STXBP5L: variants seen among roughly 807,000 people sequenced by gnomAD.
STXBP5L encodes syntaxin binding protein 5L.
Under a neutral mutation model 144.5 loss-of-function variants are expected in STXBP5L, and 65 were observed. The observed-to-expected ratio is 0.45, with a 90% CI of 0.37 to 0.55. The LOEUF (loss-of-function observed/expected upper bound fraction) is 0.55. Ranked by LOEUF, STXBP5L falls within the 20% of genes least tolerant of loss-of-function variation. The pLI is 0.00. For synonymous variants in STXBP5L, 505 were observed against 469.6 expected (o/e 1.08, Z -0.97); for missense variants, 1,298 against 1,405.5 (o/e 0.92, Z 1.22).
intron 5 of STXBP5L, among the ~76,000 whole-genome samples, chr3:121,090,312 A>G (rs1438600313): frequency 6.6e-6 from 1 of 152,100 alleles, no homozygotes; most frequent in Non-Finnish European, 1.5e-5. Flanking sequence ...AGATAGGGAG[A>G]GACACCTTGT....
chr3:121,023,319 C>G (rs761729342), intron 3 of STXBP5L, among the ~76,000 whole-genome samples: 9 of 152,112 alleles, frequency 5.9e-5, no homozygotes, highest in Non-Finnish European at 8.8e-5. Flanking sequence ...ACTATACTTC[C>G]AAAAGCAATC....
chr3:121,291,602 C>T (rs2051441686), intron 19 of STXBP5L, among the ~76,000 whole-genome samples: 1 of 152,008 alleles, frequency 6.6e-6, no homozygotes, highest in Non-Finnish European at 1.5e-5. Flanking sequence ...ATTGTCAAAG[C>T]AAGACTAAGC....
intron 3 of STXBP5L, among the ~76,000 whole-genome samples, chr3:120,977,664 A>T (rs187548067): frequency 6.6e-6 from 1 of 151,980 alleles, no homozygotes; most frequent in Non-Finnish European, 1.5e-5. Context: ...ATTTGGCATG[A>T]TTTTGCAGTG....
intron 3 of STXBP5L, among the ~76,000 whole-genome samples, chr3:120,998,739 G>C (rs1271965277): frequency 6.6e-6 from 1 of 152,174 alleles, no homozygotes. Flanking sequence ...CAAGCTGAGA[G>C]TTAAATCAAG....
chr3:121,147,198 A>G (rs1345445757), intron 7 of STXBP5L, among the ~76,000 whole-genome samples: 2 of 152,224 alleles, frequency 1.3e-5, no homozygotes, highest in Non-Finnish European at 1.5e-5. Flanking sequence ...CCAAAGTTGT[A>G]TATTTGCTGA....
chr3:121,157,112 T>C (rs917079126), intron 8 of STXBP5L, among the ~76,000 whole-genome samples: 3 of 152,126 alleles, frequency 2.0e-5, no homozygotes, highest in African/African-American at 4.8e-5. Context: ...AGAACGTTTT[T>C]CGTAGTTAGA....
chr3:121,102,209 C>G (rs1176371270), intron 5 of STXBP5L, among the ~76,000 whole-genome samples: 1 of 152,002 alleles, frequency 6.6e-6, no homozygotes, highest in Non-Finnish European at 1.5e-5. Context: ...TAGAAAAAAA[C>G]TATTATAAAT....
chr3:120,975,282 G>A (rs560593289), intron 3 of STXBP5L, among the ~76,000 whole-genome samples: 1 of 152,118 alleles, frequency 6.6e-6, no homozygotes, highest in Non-Finnish European at 1.5e-5. Flanking sequence ...TGGATTCCTA[G>A]GTGTTTTATT....
intron 3 of STXBP5L, among the ~76,000 whole-genome samples, chr3:121,025,327 T>C (rs1038427708): frequency 6.6e-6 from 1 of 152,098 alleles, no homozygotes; most frequent in Non-Finnish European, 1.5e-5. Context: ...GAGGGAGTAG[T>C]TGGGATAGCA....
chr3:121,031,631 C>T (rs1370010739), intron 3 of STXBP5L, among the ~76,000 whole-genome samples: 3 of 152,036 alleles, frequency 2.0e-5, no homozygotes, highest in Non-Finnish European at 4.4e-5. Flanking sequence ...GGGTAACCTG[C>T]TGTATTCAAA....
At chr3:121,131,552 T>C (rs1244417688) in intron 7 of STXBP5L, among the ~76,000 whole-genome samples, 1 of 152,208 alleles carries the variant, frequency 6.6e-6, no homozygotes, top group Admixed American at 6.5e-5. Context: ...TTATTGGAGA[T>C]TGTGTAGTCT....
intron 2 of STXBP5L, among the ~76,000 whole-genome samples, chr3:120,952,580 A>G (rs1711339441): frequency 6.6e-6 from 1 of 152,082 alleles, no homozygotes; most frequent in South Asian, 2.1e-4. Context: ...CACTGGATTT[A>G]TAATGGTGAT....
At chr3:121,037,705 A>G (rs1378034323) in intron 3 of STXBP5L, among the ~76,000 whole-genome samples, 1 of 151,926 alleles carries the variant, frequency 6.6e-6, no homozygotes, top group African/African-American at 2.4e-5. Context: ...CTTCCTCTCA[A>G]TTTTTCTGCA....
chr3:121,374,802 G>A (rs2046134724), intron 20 of STXBP5L, among the ~76,000 whole-genome samples: 1 of 151,838 alleles, frequency 6.6e-6, no homozygotes, highest in African/African-American at 2.4e-5. Flanking sequence ...AAAAGAGGGA[G>A]GGAGAAAGAA....
chr3:120,986,391 A>G (rs1942287824), intron 3 of STXBP5L, among the ~76,000 whole-genome samples: 1 of 151,976 alleles, frequency 6.6e-6, no homozygotes, highest in Non-Finnish European at 1.5e-5. Context: ...CTGTTAGATT[A>G]GTTGATTTAT....
rs557695830 is a variant in STXBP5L, at chr3:121,289,743, A to T, written c.2110+9787A>T. Among the ~76,000 whole-genome samples the T allele has an allele frequency of 8.5e-5, 13 of 152,316 alleles. No homozygotes were observed. In the East Asian group the frequency reaches 2.5e-3, roughly 29 times the overall value. ...GGAATAAAATTCACACAGTGGAATA[A>T]ACTCCAAAAGGAACCCTCAAAACTA... On this transcript the variant is annotated intron_variant, in intron 19 of 26. Coordinates refer to ENST00000471454, the MANE Select transcript of STXBP5L (RefSeq NM_001308330.2).
chr3:121,400,687 T>TC (rs1470880710), intron 22 of STXBP5L, among the ~76,000 whole-genome samples: 11 of 152,146 alleles, frequency 7.2e-5, no homozygotes, highest in Admixed American at 2.0e-4. Context: ...GCAAGAGATA[T>TC]CCCCATACCT....
intron 3 of STXBP5L, among the ~76,000 whole-genome samples, chr3:120,990,490 A>G (rs945429898): frequency 2.0e-5 from 3 of 152,160 alleles, no homozygotes; most frequent in Non-Finnish European, 1.5e-5. Flanking sequence ...AAAAGAGCCC[A>G]CATCGCCAAG....
intron 4 of STXBP5L, among the ~76,000 whole-genome samples, chr3:121,043,889 T>C (rs979499536): frequency 6.6e-6 from 1 of 152,192 alleles, no homozygotes; most frequent in Admixed American, 6.5e-5. Context: ...CATATCATGT[T>C]CTATCCTCAC....
Sources: allele counts gnomAD v4.1 joint callset (sites outside exome capture counted in the v4.1 genomes callset), GRCh38; gene constraint gnomAD v4.1.1; transcripts MANE v1.5; gene names NCBI Gene and HGNC (gene_info 2026-07-23, HGNC 2026-07-21).